LVRN: variants seen among roughly 807,000 people sequenced by gnomAD.
LVRN encodes laeverin.
LVRN carries 99 observed loss-of-function variants against 111.4 expected under a neutral mutation model. The ratio of observed to expected loss-of-function variants is 0.89; its 90% CI spans 0.76 to 1.05. LVRN has a LOEUF of 1.05. Among genes scored for constraint, LVRN ranks in the 50% least tolerant of loss-of-function variants. LVRN has a pLI of 0.00. For missense variants in LVRN, 1,414 were observed against 1,206.8 expected (o/e 1.17, Z -2.54); for synonymous variants, 488 against 449.5 (o/e 1.09, Z -1.08).
Position 116,001,158 on chromosome 5 carries a change from C to A in LVRN, c.1739C>A (p.Thr580Asn), listed in dbSNP as rs1748229670. ...WTHQSGFPVI[T>N]LNVSTGVMKQ... is the part of the protein sequence containing the mutation. ...CACCAGAGTGGTTTTCCAGTGATCA[C>A]TTTAAATGTGTCTACTGGCGTCATG... The change falls in exon 10 of 20, where the codon ACT becomes AAT. Residue 580 changes from threonine (T) to asparagine (N), a missense_variant. Physicochemically the swap from Thr to Asn is moderately conservative, Grantham distance 65. Coordinates refer to ENST00000357872, the MANE Select transcript of LVRN (RefSeq NM_173800.5). The A allele has an allele frequency of 6.2e-7, 1 of 1,613,754 alleles. No individual in the cohort carries two copies. The highest frequency in any genetic ancestry group is 8.5e-7 in the Non-Finnish European group (1 of 1,179,934).
chr5:115,967,939 T>C (rs971257825), intron 1 of LVRN, among the ~76,000 whole-genome samples: 1 of 152,258 alleles, frequency 6.6e-6, no homozygotes, highest in African/African-American at 2.4e-5. Context: ...TTGTATCCTG[T>C]TCTCTTGCTG....
At position 116,015,263 on chromosome 5, in the gene LVRN, C is replaced by A; in HGVS notation, c.2462C>A (p.Pro821Gln). The A allele has an allele frequency of 6.3e-7, 1 of 1,592,548 alleles. No individual in the cohort carries two copies. ...VDHPENEIPY[P>Q]IKDVVLCYGI... The stretch of plus-strand genomic sequence containing the variant: ...GTTATATTTTACAGAATACCTTATC[C>A]AATTAAAGATGTGGTTTTATGTTAT... Residue 821 changes from proline to glutamine, a missense_variant, in exon 17 of 20, where the codon CCA becomes CAA. By Grantham distance (76) the Pro-to-Gln change is moderately conservative (BLOSUM62 -1). Coordinates refer to ENST00000357872, the MANE Select transcript of LVRN (RefSeq NM_173800.5).
chr5:116,012,570 G>C, intron 15 of LVRN, 102 bp downstream of exon 15: 1 of 686,380 alleles, frequency 1.5e-6, no homozygotes, highest in Non-Finnish European at 2.4e-6. Context: ...TTCATTGAGA[G>C]ATTTTATATG....
intron 1 of LVRN, among the ~76,000 whole-genome samples, chr5:115,967,347 T>A (rs1254022926): frequency 1.3e-5 from 2 of 152,238 alleles, no homozygotes; most frequent in African/African-American, 4.8e-5. Context: ...TTAATTCTTT[T>A]GCCTATGGAT....
Position 115,962,880 on chromosome 5 carries a change from G to T in LVRN, c.263G>T (p.Arg88Leu), listed in dbSNP as rs753179996. 1 of 1,613,052 alleles carries T rather than the reference G, an allele frequency of 6.2e-7. No individual in the cohort carries two copies. Among genetic ancestry groups the T allele is most frequent in the East Asian group, 2.2e-5 (1 of 44,792 alleles). The change falls in exon 1 of 20, where the codon CGA becomes CTA. Residue 88 changes from arginine (R) to leucine (L), a missense_variant. By Grantham distance (102) the Arg-to-Leu change is moderately radical. Transcript: ENST00000357872. ...LAVTTTPSNW[R>L]PPGPWDQLRL... ...GTGACGACCACCCCGAGCAACTGGC[G>T]ACCCCCGGGGCCCTGGGACCAGCTA...
intron 13 of LVRN, 22 bp from the exon 14 acceptor site, chr5:116,010,719 T>C (rs1341273415): frequency 6.3e-7 from 1 of 1,574,972 alleles, no homozygotes; most frequent in Non-Finnish European, 8.6e-7. Context: ...TTTTTGAGTG[T>C]GTGTGTTTTT....
chr5:116,001,216 A>G lies in LVRN; in HGVS notation c.1797A>G (p.Lys599=). Residue 599 remains lysine, a synonymous_variant, in exon 10 of 20, where the codon AAA becomes AAG. Transcript: ENST00000357872. ...AGCCATTTTATCTTGAAAACATTAA[A>G]AATCGGACTCTTCTAACCAGCAAGT... ...KQEPFYLENI[K]NRTLLTSNDT... is the part of the protein sequence containing the mutation. 6.2e-7 allele frequency: 1 copy of G among 1,613,716 alleles called. No homozygotes were observed. The highest frequency in any genetic ancestry group is 1.7e-5 in the Admixed American group (1 of 59,898).
At chr5:116,019,189 G>A (rs1256041254) in intron 18 of LVRN, among the ~76,000 whole-genome samples, 2 of 152,170 alleles carry the variant, frequency 1.3e-5, no homozygotes, top group Admixed American at 6.5e-5. Context: ...GTAACACAGC[G>A]ACAAGTATTT....
Position 116,026,042 on chromosome 5 carries a change from A to G in LVRN, c.2897A>G (p.Gln966Arg). 3 of 1,613,952 alleles carry G rather than the reference A, an allele frequency of 1.9e-6. No individual in the cohort carries two copies. Among genetic ancestry groups the G allele is most frequent in the Non-Finnish European group, 2.5e-6 (3 of 1,179,888 alleles). Residue 966 changes from glutamine to arginine, a missense_variant, in exon 20 of 20, where the codon CAG becomes CGG. By Grantham distance (43) the Gln-to-Arg change is conservative. Coordinates refer to ENST00000357872, the MANE Select transcript of LVRN (RefSeq NM_173800.5). ...AGGATCAGAGTTCATGCCAACTTAC[A>G]GACAATAAAGAATGAAAATCTGAAA... ...HQRIRVHANL[Q>R]TIKNENLKNK... is the part of the protein sequence containing the mutation.
intron 12 of LVRN, among the ~76,000 whole-genome samples, chr5:116,005,582 C>T (rs1748344769): frequency 6.6e-6 from 1 of 152,174 alleles, no homozygotes; most frequent in South Asian, 2.1e-4. Context: ...TGTAATACAA[C>T]TTGATGTATA....
Position 115,983,426 on chromosome 5 carries a change from C to G in LVRN, c.835C>G (p.Leu279Val), listed in dbSNP as rs770881914. ...TGTGGCCCTTTCCAACATGCCAAAGCTAGGTAAGTAATGCTTTCTGTCTAT... is the reference window on the plus strand; with the variant it reads ...TGTGGCCCTTTCCAACATGCCAAAGGTAGGTAAGTAATGCTTTCTGTCTAT... ...SYVALSNMPK[L>V]GQSEKEDVNG... Residue 279 changes from leucine (L) to valine (V), a missense_variant, in exon 2 of 20, where the codon CTA (leucine) becomes GTA (valine). Transcript: ENST00000357872. 2 of 1,596,902 alleles carry G rather than the reference C, an allele frequency of 1.3e-6. No individual in the cohort carries two copies. The highest frequency in any genetic ancestry group is 1.4e-5 in the African/African-American group (1 of 73,946).
intron 6 of LVRN, among the ~76,000 whole-genome samples, chr5:115,999,090 T>C (rs1465975310): frequency 2.6e-5 from 4 of 152,194 alleles, no homozygotes; most frequent in Middle Eastern, 3.2e-3. Context: ...ACTTCTCCAC[T>C]GGTCTTTGCT....
chr5:115,978,667 T>G (rs1223907937), intron 1 of LVRN, among the ~76,000 whole-genome samples: 1 of 152,226 alleles, frequency 6.6e-6, no homozygotes, highest in South Asian at 2.1e-4. Flanking sequence ...TTCTCCCATC[T>G]TCCACTCCCT....
At chr5:116,002,283 A>G (rs1037915356) in intron 10 of LVRN, among the ~76,000 whole-genome samples, 1 of 152,196 alleles carries the variant, frequency 6.6e-6, no homozygotes, top group Non-Finnish European at 1.5e-5. Flanking sequence ...TGCGATGACG[A>G]ATGTGCTTCC....
rs9326980 is a variant in LVRN, at chr5:115,962,535, G to C, written c.-83G>C. 1,018,972 of 1,274,328 alleles carry C rather than the reference G, an allele frequency of 0.8. 409,100 individuals carry two copies. The highest frequency in any genetic ancestry group is 0.85 in the African/African-American group (57,735 of 68,208). 78.9% of individuals were successfully genotyped at this position (1,274,328 alleles called of 1,614,324 possible). A position where few individuals can be genotyped will look rare whatever the true frequency, so the allele number is the denominator to read the frequency against. The stretch of plus-strand genomic sequence containing the variant: ...ATACAAGAGAGGAGGGGCAGGGGTC[G>C]CAGCACTGAACACCCTGGCCGGGGT... On this transcript the variant is annotated 5_prime_UTR_variant, in exon 1 of 20. Coordinates refer to ENST00000357872, the MANE Select transcript of LVRN (RefSeq NM_173800.5).
intron 1 of LVRN, among the ~76,000 whole-genome samples, chr5:115,969,649 A>G (rs1182690368): frequency 6.6e-6 from 1 of 151,900 alleles, no homozygotes; most frequent in East Asian, 1.9e-4. Flanking sequence ...TACGAAAAAA[A>G]ATTATCCAGG....
At chr5:116,013,505 T>G (rs1434469070) in intron 15 of LVRN, among the ~76,000 whole-genome samples, 1 of 152,158 alleles carries the variant, frequency 6.6e-6, no homozygotes, top group Non-Finnish European at 1.5e-5. Context: ...TAGACTGCAC[T>G]TCCACAGAAC....
chr5:115,983,662 C>T (rs1424186776), intron 2 of LVRN, among the ~76,000 whole-genome samples: 1 of 152,148 alleles, frequency 6.6e-6, no homozygotes, highest in African/African-American at 2.4e-5. Context: ...TATAAATGGG[C>T]AGTCTGCCTG....
chr5:116,011,119 A>G (rs1748480997), intron 14 of LVRN, among the ~76,000 whole-genome samples: 1 of 128,148 alleles, frequency 7.8e-6, no homozygotes, highest in African/African-American at 2.8e-5. Context: ...TGAGGTTTGG[A>G]AGGGTACTTC....
Sources: allele counts gnomAD v4.1 joint callset (sites outside exome capture counted in the v4.1 genomes callset), GRCh38; gene constraint gnomAD v4.1.1; transcripts MANE v1.5; gene names NCBI Gene and HGNC (gene_info 2026-07-23, HGNC 2026-07-21).